RBFOX1: variants seen among roughly 807,000 people sequenced by gnomAD.
The protein encoded by RBFOX1 is RNA binding fox-1 homolog 1.
In RBFOX1, 8 loss-of-function variants were observed where a neutral mutation model predicts 57.7. That is an observed-to-expected ratio of 0.14 (90% confidence interval 0.08 to 0.25). RBFOX1 has a LOEUF of 0.25. Ranked by LOEUF, RBFOX1 falls within the 10% of genes least tolerant of loss-of-function variation. RBFOX1 has a pLI of 1.00. For missense variants in RBFOX1, 611 were observed against 548.5 expected, an observed-to-expected ratio of 1.11 and a Z score of -1.14; for synonymous variants, 326 against 222.4, an observed-to-expected ratio of 1.47 and a Z score of -4.15.
chr16:6,581,450 C>G (rs971146512), intron 2 of RBFOX1, among the ~76,000 whole-genome samples: 9 of 152,168 alleles, frequency 5.9e-5, no homozygotes, highest in Non-Finnish European at 1.5e-5. Flanking sequence ...GCTGTGTTGG[C>G]TGTTGTTTTG....
chr16:6,186,649 T>C (rs2097107273), intron 1 of RBFOX1, among the ~76,000 whole-genome samples: 1 of 152,026 alleles, frequency 6.6e-6, no homozygotes, highest in African/African-American at 2.4e-5. Context: ...GGATGGATTA[T>C]GGGTTAGTGT....
chr16:6,574,854 C>G (rs919709773), intron 2 of RBFOX1, among the ~76,000 whole-genome samples: 2 of 150,302 alleles, frequency 1.3e-5, no homozygotes, highest in African/African-American at 4.9e-5. Flanking sequence ...CTGGATAACA[C>G]GGTGAAACCC....
At chr16:5,444,576 T>A (rs1481922453) in intron 1 of RBFOX1, among the ~76,000 whole-genome samples, 1 of 152,132 alleles carries the variant, frequency 6.6e-6, no homozygotes, top group East Asian at 1.9e-4. Flanking sequence ...GAATGGTACC[T>A]TCTCCCACAT....
At chr16:6,804,971 G>C in intron 3 of RBFOX1, among the ~76,000 whole-genome samples, 1 of 152,174 alleles carries the variant, frequency 6.6e-6, no homozygotes, top group Non-Finnish European at 1.5e-5. Flanking sequence ...ATTGTGAAAA[G>C]CACTGTGAAA....
intron 3 of RBFOX1, among the ~76,000 whole-genome samples, chr16:6,853,883 G>C (rs1238599981): frequency 6.6e-6 from 1 of 152,170 alleles, no homozygotes; most frequent in Admixed American, 6.5e-5. Flanking sequence ...TATAGCCAGG[G>C]CCAGGATCTA....
intron 4 of RBFOX1, among the ~76,000 whole-genome samples, chr16:7,053,435 A>G (rs1798690348): frequency 6.6e-6 from 1 of 152,188 alleles, no homozygotes; most frequent in Non-Finnish European, 1.5e-5. Flanking sequence ...CCTGTTAAAT[A>G]ATGTATTACA....
chr16:7,183,582 G>A (rs184970558), intron 4 of RBFOX1, among the ~76,000 whole-genome samples: 1 of 151,552 alleles, frequency 6.6e-6, no homozygotes, highest in African/African-American at 2.4e-5. Context: ...GCACATGTGT[G>A]TATTTTTTTT....
In RBFOX1 at chr16:6,475,513, T is replaced by C. The variant is rs1439491291; in HGVS notation, c.-64+158456T>C. Reference sequence around the variant, plus strand: ...CCAGGTGATTCATGCATTTGTCTATTAGAAAACGTGGTCACTTACCAGCAA... The same window carrying C: ...CCAGGTGATTCATGCATTTGTCTATCAGAAAACGTGGTCACTTACCAGCAA... On this transcript the variant is annotated intron_variant, in intron 2 of 15. Transcript: ENST00000550418. 2.0e-5 allele frequency among the ~76,000 whole-genome samples: 3 copies of C among 152,230 alleles called. No homozygotes were observed. The South Asian group carries it at 6.2e-4, about 31-fold the overall frequency.
intron 1 of RBFOX1, among the ~76,000 whole-genome samples, chr16:5,376,556 G>T (rs576483365): frequency 3.3e-5 from 5 of 152,160 alleles, no homozygotes; most frequent in Non-Finnish European, 5.9e-5. Flanking sequence ...GGCAGTTGAT[G>T]AAGGAAGGGG....
chr16:6,634,223 T>C (rs976923476), intron 2 of RBFOX1, among the ~76,000 whole-genome samples: 3 of 152,172 alleles, frequency 2.0e-5, no homozygotes, highest in Admixed American at 1.3e-4. Flanking sequence ...TCATTCACTC[T>C]TCCATTAAAA....
At chr16:7,516,895 A>T (rs548787825) in intron 4 of RBFOX1, among the ~76,000 whole-genome samples, 3 of 151,988 alleles carry the variant, frequency 2.0e-5, no homozygotes, top group Admixed American at 6.6e-5. Flanking sequence ...ATTGCTTTAG[A>T]GAAAGAGGAT....
intron 4 of RBFOX1, among the ~76,000 whole-genome samples, chr16:7,497,282 T>C (rs538574859): frequency 6.6e-6 from 1 of 152,302 alleles, no homozygotes; most frequent in Admixed American, 6.5e-5. Context: ...TATTATCCTG[T>C]TTTCTGTGTT....
chr16:6,249,234 G>C (rs8046144), intron 1 of RBFOX1, among the ~76,000 whole-genome samples: 1 of 152,038 alleles, frequency 6.6e-6, no homozygotes, highest in Non-Finnish European at 1.5e-5. Context: ...AAGATGCATA[G>C]GTTTTGAGAG....
At position 5,412,996 on chromosome 16, in the gene RBFOX1, C is replaced by G. The variant is rs140402363; in HGVS notation, c.220-54220C>G. On this transcript the variant is annotated intron_variant, in intron 1 of 2. Transcript: ENST00000585867. The stretch of plus-strand genomic sequence containing the variant: ...CGCAGGTGGGGTGGAGCTGGCCGTG[C>G]CTTCCTGGTGACAGCTCTGGATGAA... Among the ~76,000 whole-genome samples, 47 of 152,318 alleles carry G rather than the reference C, an allele frequency of 3.1e-4. No homozygotes were observed. In the East Asian group the frequency reaches 8.3e-3, roughly 27 times the overall value.
intron 3 of RBFOX1, among the ~76,000 whole-genome samples, chr16:6,950,057 C>T (rs1377261297): frequency 6.6e-6 from 1 of 151,450 alleles, no homozygotes; most frequent in East Asian, 1.9e-4. Flanking sequence ...AGTGATTGTC[C>T]TGCCTCAGCC....
At chr16:5,295,610 T>G (rs1837873576) in intron 1 of RBFOX1, among the ~76,000 whole-genome samples, 1 of 152,204 alleles carries the variant, frequency 6.6e-6, no homozygotes, top group Admixed American at 6.5e-5. Flanking sequence ...GCCCTCAGCT[T>G]CTTGCCACGT....
chr16:5,573,141 G>A (rs1218913129), intron 2 of RBFOX1, among the ~76,000 whole-genome samples: 1 of 152,188 alleles, frequency 6.6e-6, no homozygotes, highest in Non-Finnish European at 1.5e-5. Flanking sequence ...GTTCTGTTAT[G>A]AAACTCAAGT....
intron 1 of RBFOX1, among the ~76,000 whole-genome samples, chr16:6,214,385 G>C (rs1228994650): frequency 6.7e-6 from 1 of 149,284 alleles, no homozygotes; most frequent in Non-Finnish European, 1.5e-5. Context: ...GAGTGAGAGT[G>C]AGAGGGAGAG....
At chr16:6,660,777 G>T (rs1262436924) in intron 3 of RBFOX1, among the ~76,000 whole-genome samples, 1 of 151,990 alleles carries the variant, frequency 6.6e-6, no homozygotes, top group African/African-American at 2.4e-5. Context: ...TATTTTTGCT[G>T]GTATCCACAC....
Sources: gnomAD v4.1 joint callset for allele counts (sites outside exome capture counted in the v4.1 genomes callset) on GRCh38, gnomAD v4.1.1 for gene constraint, MANE v1.5 for transcripts, NCBI Gene and HGNC (gene_info 2026-07-23, HGNC 2026-07-21) for gene names.